The following SORBS2 variants were observed in gnomAD, a reference collection of about 807,000 sequenced individuals.
SORBS2 encodes sorbin and SH3 domain containing 2, also known as sorbin and SH3 domain-containing protein 2.
Under a neutral mutation model 97.7 loss-of-function variants are expected in SORBS2, and 46 were observed. The ratio of observed to expected loss-of-function variants is 0.47; its 90% CI spans 0.37 to 0.60. The LOEUF (loss-of-function observed/expected upper bound fraction) is 0.60, where lower values mean the gene tolerates loss of function less well. Among genes scored for constraint, SORBS2 ranks in the 20% least tolerant of loss-of-function variants. SORBS2 has a pLI of 0.00. For missense variants in SORBS2, 1,316 were observed against 1,282.3 expected, an observed-to-expected ratio of 1.03 and a Z score of -0.40; for synonymous variants, 476 against 473.4, an observed-to-expected ratio of 1.01 and a Z score of -0.07.
At chr4:185,630,940 C>T (rs1375680869) in intron 4 of SORBS2, among the ~76,000 whole-genome samples, 3 of 152,164 alleles carry the variant, frequency 2.0e-5, no homozygotes, top group African/African-American at 7.2e-5. Flanking sequence ...CAGAATCTTA[C>T]CTGTTGACTG....
At chr4:185,627,005 G>A in exon 6 of SORBS2, 1 of 1,614,070 alleles carries the variant, frequency 6.2e-7, no homozygotes. Flanking sequence ...GAAGTCACTG[G>A]CCATGCTTGC....
Position 185,746,849 on chromosome 4 carries a change from A to G in SORBS2, c.-198+28378T>C, listed in dbSNP as rs140023513. Among the ~76,000 whole-genome samples, 45 of 152,326 alleles carry G rather than the reference A, an allele frequency of 3.0e-4. No homozygotes were observed. The East Asian group carries it at 7.9e-3, about 27-fold the overall frequency. On this transcript the variant is annotated intron_variant, in intron 2 of 20. Coordinates refer to the SORBS2 transcript ENST00000284776. ...TTGTTGCAGCCTTGTTATGGGCTGA[A>G]TTGTGCCCTCTTAAATTCATGTATC... is the stretch of plus-strand genomic sequence containing the variant.
At chr4:185,880,171 G>T (rs567200094) in intron 1 of SORBS2, among the ~76,000 whole-genome samples, 3 of 152,262 alleles carry the variant, frequency 2.0e-5, no homozygotes, top group Non-Finnish European at 4.4e-5. Context: ...CCTGACTGCC[G>T]CCTGTGTCTG....
intron 1 of SORBS2, among the ~76,000 whole-genome samples, chr4:185,885,214 G>A (rs2099238791): frequency 6.6e-6 from 1 of 152,218 alleles, no homozygotes; most frequent in East Asian, 1.9e-4. Context: ...ATGGCTCGTT[G>A]GGGATGGGAA....
chr4:185,942,114 T>TA (rs1406007845), intron 1 of SORBS2, among the ~76,000 whole-genome samples: 17 of 151,774 alleles, frequency 1.1e-4, no homozygotes, highest in South Asian at 2.1e-4. Context: ...AGATTCCATT[T>TA]AAAACAAAAA....
chr4:185,827,762 T>TCATCATCACCATCATCACCATCATCAC (rs2099202306), intron 1 of SORBS2, among the ~76,000 whole-genome samples: 11 of 119,648 alleles, frequency 9.2e-5, no homozygotes, highest in Non-Finnish European at 1.6e-4. Context: ...ATCATCACCA[T>TCATCATCACCATCATCACCATCATCAC]CATCATCACC....
At chr4:185,833,042 A>G (rs1001539169) in intron 1 of SORBS2, among the ~76,000 whole-genome samples, 1 of 152,238 alleles carries the variant, frequency 6.6e-6, no homozygotes, top group Non-Finnish European at 1.5e-5. Flanking sequence ...ACAGAGTATT[A>G]AAAGCACTAC....
intron 11 of SORBS2, among the ~76,000 whole-genome samples, chr4:185,613,680 C>G (rs555129454): frequency 6.6e-6 from 1 of 150,502 alleles, no homozygotes; most frequent in Non-Finnish European, 1.5e-5. Flanking sequence ...GTCAGTCTCC[C>G]CAAATCTGAA....
chr4:185,754,299 G>A (rs2098818155), intron 2 of SORBS2, among the ~76,000 whole-genome samples: 1 of 152,134 alleles, frequency 6.6e-6, no homozygotes, highest in South Asian at 2.1e-4. Context: ...GCCTACTTGA[G>A]GGTGGAAGGT....
At position 185,631,789 on chromosome 4, in the gene SORBS2, A is replaced by AAAAC. The variant is rs1554094434; in HGVS notation, c.397-1192_397-1191insGTTT. On this transcript the variant is annotated intron_variant, in intron 4 of 14. Transcript: ENST00000418609. ...AAAAAACAAAAACAAAAAACAACAA[A>AAAAC]AAAACAAAACAAAACAAAACAAAAC... is the stretch of plus-strand genomic sequence containing the variant. 2.2e-4 allele frequency among the ~76,000 whole-genome samples: 30 copies of AAAAC among 137,590 alleles called. No individual in the cohort carries two copies. The South Asian group carries it at 5.0e-3, about 23-fold the overall frequency. The allele number at this position is 137,590 out of a possible 152,430, so 90.3% of individuals were successfully genotyped here.
chr4:185,909,698 T>C (rs1244838026), intron 1 of SORBS2, among the ~76,000 whole-genome samples: 1 of 152,176 alleles, frequency 6.6e-6, no homozygotes, highest in East Asian at 1.9e-4. Context: ...TCAATATAAC[T>C]TGTGAAAACT....
intron 2 of SORBS2, among the ~76,000 whole-genome samples, chr4:185,680,405 G>A (rs2097852400): frequency 6.6e-6 from 1 of 152,144 alleles, no homozygotes; most frequent in Admixed American, 6.5e-5. Context: ...AAAATACAGA[G>A]CAATCATCAG....
At chr4:185,949,320 C>T (rs1369833466) in intron 1 of SORBS2, among the ~76,000 whole-genome samples, 1 of 152,144 alleles carries the variant, frequency 6.6e-6, no homozygotes, top group African/African-American at 2.4e-5. Context: ...CTGGACTGGA[C>T]CCGAGCAGAA....
intron 1 of SORBS2, among the ~76,000 whole-genome samples, chr4:185,832,484 T>C (rs2099205695): frequency 6.6e-6 from 1 of 152,234 alleles, no homozygotes; most frequent in Non-Finnish European, 1.5e-5. Context: ...TGATTTTGAT[T>C]TGTGTCAAAT....
chr4:185,767,672 T>C (rs946073563), intron 2 of SORBS2, among the ~76,000 whole-genome samples: 1 of 152,118 alleles, frequency 6.6e-6, no homozygotes, highest in Non-Finnish European at 1.5e-5. Context: ...CACAGGGCAG[T>C]ACTGACTGCC....
intron 2 of SORBS2, among the ~76,000 whole-genome samples, chr4:185,746,988 C>G (rs1429557552): frequency 6.6e-6 from 1 of 152,198 alleles, no homozygotes; most frequent in Non-Finnish European, 1.5e-5. Context: ...TTAATCCAAT[C>G]TAGCTGGTGT....
intron 2 of SORBS2, among the ~76,000 whole-genome samples, chr4:185,765,822 T>A (rs1310972412): frequency 6.6e-6 from 1 of 152,238 alleles, no homozygotes; most frequent in African/African-American, 2.4e-5. Flanking sequence ...TGAATTTACC[T>A]TTTCACTCGG....
chr4:185,935,241 G>C (rs190896123), intron 1 of SORBS2, among the ~76,000 whole-genome samples: 4 of 152,282 alleles, frequency 2.6e-5, no homozygotes, highest in Admixed American at 1.3e-4. Flanking sequence ...TCAATCCCAA[G>C]TATCTACTAT....
chr4:185,713,073 T>C (rs2098437503), intron 2 of SORBS2, among the ~76,000 whole-genome samples: 1 of 152,104 alleles, frequency 6.6e-6, no homozygotes, highest in African/African-American at 2.4e-5. Context: ...TTCAAAGCCC[T>C]CCAGTCACCT....
Sources: allele counts gnomAD v4.1 joint callset (sites outside exome capture counted in the v4.1 genomes callset), GRCh38; gene constraint gnomAD v4.1.1; transcripts MANE v1.5; gene names NCBI Gene and HGNC (gene_info 2026-07-23, HGNC 2026-07-21).